DDX11: variants seen among roughly 807,000 people sequenced by gnomAD.
The protein encoded by DDX11 is DEAD/H-box helicase 11.
A neutral mutation model predicts 125.2 loss-of-function variants in DDX11; 72 were observed. That is an observed-to-expected ratio of 0.58 (90% confidence interval 0.48 to 0.70). The LOEUF (loss-of-function observed/expected upper bound fraction) is 0.70, where lower values mean the gene tolerates loss of function less well. Ranked by LOEUF, DDX11 falls within the 30% of genes least tolerant of loss-of-function variation. DDX11 has a pLI of 0.00. For synonymous variants in DDX11, 347 were observed against 452.6 expected (o/e 0.77, Z 2.96); for missense variants, 883 against 1,165.0 (o/e 0.76, Z 3.52).
At chr12:31,088,829 C>T (rs1168780441) in intron 6 of DDX11, among the ~76,000 whole-genome samples, 1 of 152,218 alleles carries the variant, frequency 6.6e-6, no homozygotes, top group East Asian at 1.9e-4. Flanking sequence ...GCCTTTGGGG[C>T]ATTCCCTTGA....
intron 12 of DDX11, 61 bp downstream of exon 12, chr12:31,093,385 T>C: frequency 6.2e-7 from 1 of 1,604,580 alleles, no homozygotes; most frequent in Non-Finnish European, 8.5e-7. Context: ...TGCTTTTTCC[T>C]TGGATGCCCA....
chr12:31,084,585 G>A lies in DDX11; in HGVS notation c.396G>A (p.Ala132=), dbSNP rs373057083. ...TCCTTCATGTCTGCCTCCTGTAGGCGGAGCAGGCCAGGAGGAAGCAGCGAG... is the reference window on the plus strand; with the variant it reads ...TCCTTCATGTCTGCCTCCTGTAGGCAGAGCAGGCCAGGAGGAAGCAGCGAG... ...EERDLVDRLK[A]EQARRKQREE... The change falls in exon 4 of 27, where the codon GCG becomes GCA. Residue 132 remains alanine (A), a splice_region_variant and synonymous_variant. Transcript: ENST00000542838. 4.3e-5 allele frequency: 68 copies of A among 1,594,746 alleles called. No homozygotes were observed. In the African/African-American group the frequency reaches 6.6e-4, roughly 15 times the overall value.
chr12:31,086,185 T>C, intron 5 of DDX11: 1 of 449,526 alleles, frequency 2.2e-6, no homozygotes, highest in Non-Finnish European at 4.5e-6. Flanking sequence ...TTGGCAGATG[T>C]CTTCCTCTCC....
chr12:31,094,360 C>T (rs1183307549), intron 12 of DDX11: 9 of 571,268 alleles, frequency 1.6e-5, no homozygotes, highest in Admixed American at 3.1e-5. Flanking sequence ...CATGAACTTA[C>T]AGGGCTTTGG....
intron 19 of DDX11, 112 bp downstream of exon 19, chr12:31,100,819 G>T: frequency 1.6e-6 from 2 of 1,219,584 alleles, no homozygotes; most frequent in Non-Finnish European, 2.4e-6. Context: ...AGACCCCGGG[G>T]TGGGAGCCTC....
At chr12:31,090,191 C>T in intron 9 of DDX11, 97 bp downstream of exon 9, 3 of 941,214 alleles carry the variant, frequency 3.2e-6, no homozygotes, top group Non-Finnish European at 5.0e-6. Flanking sequence ...GGGGATGCCC[C>T]CCACCGTGGT....
chr12:31,101,007 C>A lies in DDX11; in HGVS notation c.1949-20C>A, dbSNP rs758516567. 5.0e-6 allele frequency: 8 copies of A among 1,604,088 alleles called. No individual in the cohort carries two copies. In the South Asian group the frequency reaches 7.7e-5, roughly 15 times the overall value. On this transcript the variant is annotated intron_variant, in intron 19 of 26. Transcript: ENST00000542838. ...CACACCTGCATCTCCAGTTTTCGGC[C>A]CCTCCCTGGCTCTTACCAGGTCACG...
intron 18 of DDX11, among the ~76,000 whole-genome samples, chr12:31,099,080 C>CTTTTTTTTTTTTTGT (rs1467965765): frequency 1.2e-5 from 1 of 81,328 alleles, no homozygotes; most frequent in East Asian, 4.2e-4. Flanking sequence ...TTCTTTCTTT[C>CTTTTTTTTTTTTTGT]TTTCTTTTTT....
intron 10 of DDX11, 63 bp from the exon 11 acceptor site, chr12:31,092,783 T>A (rs1361290015): frequency 2.0e-5 from 31 of 1,525,170 alleles, no homozygotes; most frequent in Middle Eastern, 1.8e-4. Context: ...TAGGTGAATC[T>A]AAGATGTCAG....
At position 31,103,718 on chromosome 12, in the gene DDX11, C is replaced by G; in HGVS notation, c.2678C>G (p.Ala893Gly). 6.2e-7 allele frequency: 1 copy of G among 1,613,848 alleles called. No homozygotes were observed. The highest frequency in any genetic ancestry group is 8.5e-7 in the Non-Finnish European group (1 of 1,179,968). ...EVKATFGPAI[A>G]AVQKFHREKS... ...AAAGCTACCTTTGGCCCCGCCATTG[C>G]TGCTGTGCAGAAGGTCAGTCCTACC... The change falls in exon 26 of 27, where the codon GCT becomes GGT. Residue 893 changes from alanine to glycine, a missense_variant. By Grantham distance (60) the Ala-to-Gly change is moderately conservative. This residue lies in a region of DDX11 where 285 missense variants were observed against 346.0 expected (regional missense o/e 0.82). Coordinates refer to ENST00000542838, the MANE Select transcript of DDX11 (RefSeq NM_030653.4).
chr12:31,095,879 C>G (rs575311664), intron 14 of DDX11, among the ~76,000 whole-genome samples: 1 of 152,144 alleles, frequency 6.6e-6, no homozygotes, highest in African/African-American at 2.4e-5. Context: ...TTAAAGGCTC[C>G]AAACTCCTCA....
At chr12:31,088,481 C>A (rs1373334760) in intron 6 of DDX11, among the ~76,000 whole-genome samples, 2 of 152,164 alleles carry the variant, frequency 1.3e-5, no homozygotes, top group Non-Finnish European at 2.9e-5. Flanking sequence ...TGTCTGTGTT[C>A]CCATTTGCAT....
At chr12:31,079,586 C>T (rs1269011147) in intron 2 of DDX11, among the ~76,000 whole-genome samples, 9 of 149,172 alleles carry the variant, frequency 6.0e-5, no homozygotes, top group African/African-American at 1.8e-4. Context: ...ATGGCTGCTC[C>T]GTTATGACCT....
At chr12:31,095,474 C>T (rs1444417473) in intron 14 of DDX11, among the ~76,000 whole-genome samples, 5 of 152,256 alleles carry the variant, frequency 3.3e-5, no homozygotes, top group East Asian at 1.9e-4. Context: ...GCAGAGACAG[C>T]GTCCAAACCT....
At chr12:31,101,554 G>A (rs1191532069) in intron 20 of DDX11, 1 of 524,064 alleles carries the variant, frequency 1.9e-6, no homozygotes, top group Non-Finnish European at 3.5e-6. Flanking sequence ...CAGAAGAAGG[G>A]AGGACTCAGT....
chr12:31,089,813 A>G, intron 8 of DDX11, 73 bp from the exon 9 acceptor site: 2 of 1,559,980 alleles, frequency 1.3e-6, no homozygotes, highest in South Asian at 1.2e-5. Flanking sequence ...TCAACATTAC[A>G]CAACCCCCTC....
Position 31,103,725 on chromosome 12 carries a change from G to A in DDX11, c.2685G>A (p.Val895=). Residue 895 remains valine, a synonymous_variant, in exon 26 of 27, where the codon GTG becomes GTA. Coordinates refer to ENST00000542838, the MANE Select transcript of DDX11 (RefSeq NM_030653.4). ...CCTTTGGCCCCGCCATTGCTGCTGT[G>A]CAGAAGGTCAGTCCTACCTTTTTCT... ...KATFGPAIAA[V]QKFHREKSAS... 6.2e-7 allele frequency: 1 copy of A among 1,613,784 alleles called. No homozygotes were observed. Among genetic ancestry groups the A allele is most frequent in the Non-Finnish European group, 8.5e-7 (1 of 1,179,940 alleles).
chr12:31,103,734 C>G lies in DDX11; in HGVS notation c.2691+3C>G, dbSNP rs576163024. 3.7e-6 allele frequency: 6 copies of G among 1,613,698 alleles called. No homozygotes were observed. In the African/African-American group the frequency reaches 6.7e-5, roughly 18 times the overall value. ...CCGCCATTGCTGCTGTGCAGAAGGT[C>G]AGTCCTACCTTTTTCTTTCTGAGAG... is the stretch of plus-strand genomic sequence containing the variant. On this transcript the variant is annotated splice_donor_region_variant and intron_variant, in intron 26 of 26. Transcript: ENST00000542838.
At chr12:31,098,288 T>A (rs1945680792) in intron 18 of DDX11, among the ~76,000 whole-genome samples, 1 of 152,240 alleles carries the variant, frequency 6.6e-6, no homozygotes, top group Admixed American at 6.5e-5. Context: ...AAATCATGAT[T>A]CCACTTTTAA....
Sources: gnomAD v4.1 joint callset for allele counts (sites outside exome capture counted in the v4.1 genomes callset) on GRCh38, gnomAD v4.1.1 for gene constraint, gnomAD v4.1.1 regional missense constraint, MANE v1.5 for transcripts, NCBI Gene and HGNC (gene_info 2026-07-23, HGNC 2026-07-21) for gene names.